RIT2: variants seen among roughly 807,000 people sequenced by gnomAD.
The protein encoded by RIT2 is Ras like without CAAX 2, also known as GTP-binding protein Rit2.
A neutral mutation model predicts 23.7 loss-of-function variants in RIT2; 24 were observed. The ratio of observed to expected loss-of-function variants is 1.01; its 90% CI spans 0.73 to 1.43. The LOEUF is 1.43. Ranked by LOEUF, RIT2 falls within the 40% of genes most tolerant of loss-of-function variation. RIT2 has a pLI of 0.00. For missense variants in RIT2, 236 were observed against 266.9 expected (o/e 0.88, Z 0.81); for synonymous variants, 107 against 91.1 (o/e 1.17, Z -0.99).
chr18:43,028,746 A>G (rs1175954001), intron 2 of RIT2, among the ~76,000 whole-genome samples: 1 of 151,908 alleles, frequency 6.6e-6, no homozygotes, highest in Non-Finnish European at 1.5e-5. Context: ...GAATAATTGG[A>G]TACATTAATC....
chr18:43,082,562 C>T (rs369322439), intron 1 of RIT2, among the ~76,000 whole-genome samples: 10 of 152,118 alleles, frequency 6.6e-5, no homozygotes, highest in South Asian at 6.2e-4. Context: ...TGGGATGTAA[C>T]GCTGGTTCAA....
chr18:42,766,740 GC>G (rs1913432091), intron 4 of RIT2, among the ~76,000 whole-genome samples: 1 of 152,162 alleles, frequency 6.6e-6, no homozygotes, highest in South Asian at 2.1e-4. Flanking sequence ...TGGCCTGGAG[GC>G]CCAGGAGGAA....
chr18:43,096,636 A>T (rs1303068559), intron 1 of RIT2, among the ~76,000 whole-genome samples: 1 of 151,866 alleles, frequency 6.6e-6, no homozygotes, highest in Non-Finnish European at 1.5e-5. Context: ...TGGTTTTAAA[A>T]TCATGTTAGT....
At chr18:42,848,825 T>A (rs1191571667) in intron 4 of RIT2, among the ~76,000 whole-genome samples, 1 of 152,154 alleles carries the variant, frequency 6.6e-6, no homozygotes, top group East Asian at 1.9e-4. Context: ...ATTAGAATAG[T>A]TTGATGATTG....
intron 4 of RIT2, among the ~76,000 whole-genome samples, chr18:42,866,506 G>C (rs1470577439): frequency 6.6e-6 from 1 of 151,874 alleles, no homozygotes; most frequent in African/African-American, 2.4e-5. Context: ...CCCCAAATCA[G>C]GCATCTATTC....
At chr18:43,025,978 TAAATAAATAAAGGC>T (rs1911708006) in intron 2 of RIT2, among the ~76,000 whole-genome samples, 1 of 152,046 alleles carries the variant, frequency 6.6e-6, no homozygotes, top group Non-Finnish European at 1.5e-5. Flanking sequence ...TCTCAATCTA[TAAATAAATAAAGGC>T]AAATAAATAA....
At chr18:43,045,019 T>C (rs1185997565) in intron 1 of RIT2, among the ~76,000 whole-genome samples, 2 of 152,170 alleles carry the variant, frequency 1.3e-5, no homozygotes, top group African/African-American at 4.8e-5. Context: ...ATGCTGACAG[T>C]TTATTTTGAA....
At chr18:43,064,577 A>G (rs1912727062) in intron 1 of RIT2, among the ~76,000 whole-genome samples, 1 of 152,152 alleles carries the variant, frequency 6.6e-6, no homozygotes, top group Non-Finnish European at 1.5e-5. Flanking sequence ...AGAACGCTAG[A>G]GCAATATGAT....
chr18:43,056,134 G>T (rs1459077335), intron 1 of RIT2, among the ~76,000 whole-genome samples: 1 of 152,046 alleles, frequency 6.6e-6, no homozygotes. Context: ...TGCTCATACT[G>T]GACAAGCAAC....
chr18:42,787,352 C>G (rs1913946069), intron 4 of RIT2, among the ~76,000 whole-genome samples: 1 of 151,800 alleles, frequency 6.6e-6, no homozygotes, highest in Admixed American at 6.6e-5. Context: ...GTGCAGCACA[C>G]CAACATGGCA....
chr18:43,045,745 A>G (rs566448628), intron 1 of RIT2, among the ~76,000 whole-genome samples: 5 of 152,036 alleles, frequency 3.3e-5, no homozygotes, highest in Non-Finnish European at 7.4e-5. Flanking sequence ...CCTGCCTGGA[A>G]CTTCCCATTT....
intron 4 of RIT2, among the ~76,000 whole-genome samples, chr18:42,775,625 A>T (rs995138042): frequency 9.2e-5 from 14 of 152,032 alleles, no homozygotes; most frequent in Non-Finnish European, 2.1e-4. Context: ...TGAACCCGGG[A>T]GGCGGAGCTT....
At chr18:42,791,377 T>C (rs1914039708) in intron 4 of RIT2, among the ~76,000 whole-genome samples, 3 of 152,206 alleles carry the variant, frequency 2.0e-5, no homozygotes, top group African/African-American at 7.2e-5. Context: ...TGTACGTGAC[T>C]GGGTACTTAA....
intron 4 of RIT2, among the ~76,000 whole-genome samples, chr18:42,917,470 G>A (rs149089953): frequency 5.3e-4 from 80 of 152,150 alleles, no homozygotes; most frequent in African/African-American, 1.8e-3. Flanking sequence ...TGTGCAGTAT[G>A]AGTATGGAAT....
intron 4 of RIT2, among the ~76,000 whole-genome samples, chr18:42,864,737 A>G (rs746956998): frequency 2.6e-5 from 4 of 152,206 alleles, no homozygotes; most frequent in Non-Finnish European, 5.9e-5. Context: ...ATTTCTGCCT[A>G]GCAAGAAATT....
intron 4 of RIT2, among the ~76,000 whole-genome samples, chr18:42,913,962 T>C (rs182177797): frequency 8.9e-4 from 136 of 152,140 alleles, no homozygotes; most frequent in African/African-American, 3.0e-3. Flanking sequence ...CTGATAAATA[T>C]ATATAATTTT....
chr18:42,956,893 C>T (rs1415541708), intron 3 of RIT2, among the ~76,000 whole-genome samples: 1 of 152,068 alleles, frequency 6.6e-6, no homozygotes, highest in Non-Finnish European at 1.5e-5. Context: ...TGAGAACAAG[C>T]TGGAGAGGAG....
chr18:43,005,718 T>C (rs546980751), intron 2 of RIT2, among the ~76,000 whole-genome samples: 4 of 151,860 alleles, frequency 2.6e-5, no homozygotes. Context: ...AAGTATCCCA[T>C]GAACCCAAAA....
intron 4 of RIT2, among the ~76,000 whole-genome samples, chr18:42,826,899 A>G (rs1442972968): frequency 6.6e-6 from 1 of 152,156 alleles, no homozygotes; most frequent in African/African-American, 2.4e-5. Flanking sequence ...AAACAAATCT[A>G]ATAATAACAT....
Sources: gnomAD v4.1 joint callset for allele counts (sites outside exome capture counted in the v4.1 genomes callset) on GRCh38, gnomAD v4.1.1 for gene constraint, MANE v1.5 for transcripts, NCBI Gene and HGNC (gene_info 2026-07-23, HGNC 2026-07-21) for gene names.